The following PPARGC1A variants were observed in gnomAD, a reference collection of about 807,000 sequenced individuals.
PPARGC1A encodes peroxisome proliferator-activated receptor gamma coactivator 1-alpha.
PPARGC1A carries 25 observed loss-of-function variants against 88.7 expected under a neutral mutation model. The ratio of observed to expected loss-of-function variants is 0.28; its 90% CI spans 0.21 to 0.39. The LOEUF is 0.39. PPARGC1A is among the 10% of genes least tolerant of loss of function. PPARGC1A has a pLI of 1.00. For synonymous variants in PPARGC1A, 363 were observed against 355.6 expected (o/e 1.02, Z -0.24); for missense variants, 880 against 968.7 (o/e 0.91, Z 1.22).
At chr4:24,305,831 G>C in the PPARGC1A span, among the ~76,000 whole-genome samples, 1 of 152,040 alleles carries the variant, frequency 6.6e-6, no homozygotes, top group East Asian at 1.9e-4. Flanking sequence ...TTTAAAAAGA[G>C]GGTGGCCATT....
chr4:23,982,544 T>A, the PPARGC1A span, among the ~76,000 whole-genome samples: 2 of 152,110 alleles, frequency 1.3e-5, no homozygotes, highest in African/African-American at 4.8e-5. Context: ...TGGTCTATAG[T>A]GGGCAGTGTG....
At chr4:24,345,959 T>G in the PPARGC1A span, among the ~76,000 whole-genome samples, 3 of 152,318 alleles carry the variant, frequency 2.0e-5, no homozygotes, top group South Asian at 6.2e-4. Context: ...ATGCCTTGTA[T>G]GCTGATTTTG....
the PPARGC1A span, among the ~76,000 whole-genome samples, chr4:24,316,299 C>T: frequency 2.0e-5 from 3 of 152,204 alleles, no homozygotes; most frequent in Non-Finnish European, 1.5e-5. Context: ...AAATGACTAG[C>T]CACAGCTCAC....
chr4:23,910,350 ATATATATTATATATAT>A, the PPARGC1A span, among the ~76,000 whole-genome samples: 1 of 64,322 alleles, frequency 1.6e-5, no homozygotes, highest in Non-Finnish European at 2.5e-5. Flanking sequence ...ATTATATATT[ATATATATTATATATAT>A]TATATTATAT....
At chr4:23,831,993 T>C (rs777925427) in intron 2 of PPARGC1A, among the ~76,000 whole-genome samples, 6 of 152,200 alleles carry the variant, frequency 3.9e-5, no homozygotes, top group African/African-American at 2.4e-5. Flanking sequence ...CGATTTGTTA[T>C]GTCAGTGCTA....
chr4:24,255,600 G>A, the PPARGC1A span, among the ~76,000 whole-genome samples: 2 of 152,174 alleles, frequency 1.3e-5, no homozygotes, highest in African/African-American at 4.8e-5. Context: ...CCTCCTTGCT[G>A]ATGAGAAGCT....
the PPARGC1A span, among the ~76,000 whole-genome samples, chr4:24,416,176 G>T: frequency 6.6e-6 from 1 of 152,178 alleles, no homozygotes; most frequent in African/African-American, 2.4e-5. Context: ...TGTTAAAGAA[G>T]TTTCAAGAAG....
upstream of PPARGC1A, chr4:23,890,205 G>T: frequency 1.1e-5 from 6 of 557,978 alleles, no homozygotes; most frequent in Non-Finnish European, 1.3e-5. Flanking sequence ...CTGCTTCAGT[G>T]AAGTAACGCT....
the PPARGC1A span, among the ~76,000 whole-genome samples, chr4:24,406,340 A>G: frequency 4.6e-5 from 7 of 152,120 alleles, no homozygotes; most frequent in African/African-American, 1.7e-4. Context: ...TGGACATGGA[A>G]TTTTCCTGGG....
the PPARGC1A span, among the ~76,000 whole-genome samples, chr4:24,135,597 C>T: frequency 6.6e-6 from 1 of 152,148 alleles, no homozygotes; most frequent in Non-Finnish European, 1.5e-5. Context: ...GTTTGACTCC[C>T]TGTTCTCCTC....
At chr4:24,169,229 C>T in the PPARGC1A span, among the ~76,000 whole-genome samples, 1 of 152,120 alleles carries the variant, frequency 6.6e-6, no homozygotes, top group Non-Finnish European at 1.5e-5. Context: ...ACCAGTCCTC[C>T]TCAAAACTCT....
In PPARGC1A at chr4:23,814,348, G is replaced by C; in HGVS notation, c.1135C>G (p.Arg379Gly). The change falls in exon 8 of 13, where the codon CGG (arginine) becomes GGG (glycine). Residue 379 changes from arginine (R) to glycine (G), a missense_variant. By Grantham distance (125) the Arg-to-Gly change is moderately radical. Coordinates refer to ENST00000264867, the MANE Select transcript of PPARGC1A (RefSeq NM_013261.5). ...CAATAGTCATGGTCACCAAACAGCC[G>C]CAGACTGGGCCGCTTGGTCTTCCTT... is the stretch of plus-strand genomic sequence containing the variant. Reference protein sequence around the residue: ...EERKTKRPSLRLFGDHDYCQS... With the variant: ...EERKTKRPSLGLFGDHDYCQS... 1 of 1,613,976 alleles carries C rather than the reference G, an allele frequency of 6.2e-7. No homozygotes were observed. The highest frequency in any genetic ancestry group is 8.5e-7 in the Non-Finnish European group (1 of 1,179,994).
chr4:24,020,266 T>C, the PPARGC1A span, among the ~76,000 whole-genome samples: 7 of 152,152 alleles, frequency 4.6e-5, no homozygotes, highest in Admixed American at 2.0e-4. Flanking sequence ...TCCTAAATAA[T>C]CCTGTCAATG....
the PPARGC1A span, among the ~76,000 whole-genome samples, chr4:24,145,890 A>G: frequency 3.0e-4 from 45 of 152,220 alleles, no homozygotes; most frequent in African/African-American, 1.1e-3. Context: ...TGTGCTTGAA[A>G]CTTCCACAAG....
chr4:23,893,785 T>C (rs1718186456), upstream of PPARGC1A, among the ~76,000 whole-genome samples: 1 of 152,184 alleles, frequency 6.6e-6, no homozygotes, highest in Non-Finnish European at 1.5e-5. Context: ...CTCGGGAATG[T>C]TTCCATATAC....
chr4:23,830,629 T>G (rs1724828338), intron 3 of PPARGC1A, among the ~76,000 whole-genome samples: 1 of 152,306 alleles, frequency 6.6e-6, no homozygotes. Context: ...ATTCAAAAAC[T>G]TAGTGATAGG....
At chr4:24,466,221 C>T in the PPARGC1A span, among the ~76,000 whole-genome samples, 3 of 152,132 alleles carry the variant, frequency 2.0e-5, no homozygotes, top group Admixed American at 6.5e-5. Flanking sequence ...TCACCTCGTT[C>T]ATCAAAAAGA....
the PPARGC1A span, among the ~76,000 whole-genome samples, chr4:24,187,882 G>A: frequency 7.0e-4 from 107 of 152,312 alleles, no homozygotes; most frequent in Admixed American, 1.4e-3. Context: ...TCCCTTGAAC[G>A]AGAATAACAT....
chr4:24,198,897 T>G, the PPARGC1A span, among the ~76,000 whole-genome samples: 647 of 152,226 alleles, frequency 4.3e-3, 8 homozygotes, highest in African/African-American at 0.015. Context: ...TGGAGAACAC[T>G]CTGAGCAGAA....
Sources: gnomAD v4.1 joint callset for allele counts (sites outside exome capture counted in the v4.1 genomes callset) on GRCh38, gnomAD v4.1.1 for gene constraint, MANE v1.5 for transcripts, NCBI Gene and HGNC (gene_info 2026-07-23, HGNC 2026-07-21) for gene names.